TSHZ3: variants seen among roughly 807,000 people sequenced by gnomAD.
TSHZ3 encodes the protein teashirt zinc finger homeobox 3.
In TSHZ3, 10 loss-of-function variants were observed where a neutral mutation model predicts 64.5. The observed-to-expected ratio is 0.16, with a 90% CI of 0.10 to 0.26. TSHZ3 has a LOEUF of 0.26. TSHZ3 is among the 10% of genes least tolerant of loss of function. The pLI is 1.00. For synonymous variants in TSHZ3, 608 were observed against 593.1 expected, an observed-to-expected ratio of 1.03 and a Z score of -0.36; for missense variants, 1,242 against 1,421.7, an observed-to-expected ratio of 0.87 and a Z score of 2.03.
chr19:31,332,412 G>A (rs1023729802), intron 1 of TSHZ3, among the ~76,000 whole-genome samples: 2 of 152,162 alleles, frequency 1.3e-5, no homozygotes, highest in African/African-American at 4.8e-5. Flanking sequence ...AAAGCTCAAG[G>A]CCATTTTCAC....
chr19:31,343,361 A>AC (rs1201413408), intron 1 of TSHZ3, among the ~76,000 whole-genome samples: 3 of 151,238 alleles, frequency 2.0e-5, no homozygotes, highest in Non-Finnish European at 4.4e-5. Context: ...ACTCGCCCCC[A>AC]CCCCCCGGAC....
chr19:31,226,045 G>A (rs1247097744), intron 4 of TSHZ3, among the ~76,000 whole-genome samples: 2 of 151,752 alleles, frequency 1.3e-5, no homozygotes, highest in African/African-American at 4.8e-5. Flanking sequence ...GAGAATCACT[G>A]GAATCGGGAG....
chr19:31,270,895 T>C (rs1412411157), downstream of TSHZ3, among the ~76,000 whole-genome samples: 1 of 152,202 alleles, frequency 6.6e-6, no homozygotes, highest in Non-Finnish European at 1.5e-5. Context: ...TTATTAAGAA[T>C]ATATCAGTAC....
intron 1 of TSHZ3, among the ~76,000 whole-genome samples, chr19:31,245,089 ATTG>A (rs776634029): frequency 2.6e-5 from 4 of 152,284 alleles, no homozygotes; most frequent in East Asian, 1.9e-4. Flanking sequence ...GATAGTGTTG[ATTG>A]TTGGTGATTT....
chr19:31,196,610 T>G (rs553758694), intron 5 of TSHZ3, among the ~76,000 whole-genome samples: 1 of 152,014 alleles, frequency 6.6e-6, no homozygotes, highest in East Asian at 1.9e-4. Context: ...ACATCTAGAT[T>G]AAAAGTAAAT....
chr19:31,279,810 G>T lies in TSHZ3; in HGVS notation c.41-58C>A. 7.2e-7 allele frequency: 1 copy of T among 1,391,368 alleles called. No homozygotes were observed. Among genetic ancestry groups the T allele is most frequent in the Non-Finnish European group, 9.5e-7 (1 of 1,053,626 alleles). 86.2% of individuals were successfully genotyped at this position (1,391,368 alleles called of 1,614,324 possible). The stretch of plus-strand genomic sequence containing the variant: ...GTAGGATGGAATGAAGAGAGACAGG[G>T]AGAAGGAGAGAAAGAAAAAAAAAAG... On this transcript the variant is annotated intron_variant, in intron 1 of 1. Coordinates refer to ENST00000240587, the MANE Select transcript of TSHZ3 (RefSeq NM_020856.4). This position sits in a 1 kb window ranked among gnomAD's most constrained non-coding sequence, Gnocchi z 6.4.
Position 31,277,302 on chromosome 19 carries a change from C to T in TSHZ3, c.2491G>A (p.Val831Ile), listed in dbSNP as rs201694059. 2.1e-5 allele frequency: 34 copies of T among 1,613,362 alleles called. No homozygotes were observed. The highest frequency in any genetic ancestry group is 1.0e-4 in the Admixed American group (6 of 60,004). ...AGCGGCGAGTTTGACATGAATGATA[C>T]GACGGCAGATGTCTTTGCCGTTGTC... Reference protein sequence around the residue: ...TVTTAKTSAVVSFMSNSPLRE... With the variant: ...TVTTAKTSAVISFMSNSPLRE... Residue 831 changes from valine (V) to isoleucine (I), a missense_variant, in exon 2 of 2, where the codon GTA becomes ATA. Transcript: ENST00000240587. This position sits in a 1 kb window ranked among gnomAD's most constrained non-coding sequence, Gnocchi z 4.5.
At position 31,183,011 on chromosome 19, in the gene TSHZ3, C is replaced by A. The variant is rs139001114; in HGVS notation, n.809+21945G>T. Among the ~76,000 whole-genome samples, 694 of 152,140 alleles carry A rather than the reference C, an allele frequency of 4.6e-3. 3 individuals carry two copies. The highest frequency in any genetic ancestry group is 0.016 in the African/African-American group (672 of 41,494). ...GGGCCTCATCTAATCAGTTGAAGGC[C>A]TTAAGAAAAAGAGAGATTTTGCCCA... On this transcript the variant is annotated intron_variant and non_coding_transcript_variant, in intron 5 of 6. Coordinates refer to the TSHZ3 transcript ENST00000651361.
chr19:31,324,178 C>T (rs758597020), intron 1 of TSHZ3, among the ~76,000 whole-genome samples: 15 of 152,192 alleles, frequency 9.9e-5, no homozygotes, highest in Non-Finnish European at 1.6e-4. Context: ...ACTAGAGAGG[C>T]AACCAAGGTT....
chr19:31,332,100 C>A (rs997854135), intron 1 of TSHZ3, among the ~76,000 whole-genome samples: 5 of 152,192 alleles, frequency 3.3e-5, no homozygotes, highest in Non-Finnish European at 5.9e-5. Flanking sequence ...AAAAGAAGAC[C>A]CTTTTTCCTA....
chr19:31,343,467 C>G (rs1254130157), intron 1 of TSHZ3, among the ~76,000 whole-genome samples: 1 of 152,086 alleles, frequency 6.6e-6, no homozygotes, highest in Non-Finnish European at 1.5e-5. Flanking sequence ...AAACTAAGTG[C>G]ATGTGCTAGA....
chr19:31,288,499 A>G (rs1430104798), intron 1 of TSHZ3, among the ~76,000 whole-genome samples: 1 of 152,100 alleles, frequency 6.6e-6, no homozygotes, highest in Non-Finnish European at 1.5e-5. Context: ...ACAGTTCAAA[A>G]GCCATAGCAA....
chr19:31,264,619 T>C (rs543563741), intron 1 of TSHZ3, among the ~76,000 whole-genome samples: 1 of 152,268 alleles, frequency 6.6e-6, no homozygotes, highest in East Asian at 1.9e-4. Context: ...CATGCAGGAA[T>C]GTGGCATCCG....
At chr19:31,236,362 G>A (rs979004299) in intron 3 of TSHZ3, among the ~76,000 whole-genome samples, 1 of 152,074 alleles carries the variant, frequency 6.6e-6, no homozygotes, top group Non-Finnish European at 1.5e-5. Context: ...TCTCATTGTG[G>A]TTTTAGTTTG....
chr19:31,162,881 T>A (rs1974388908), intron 5 of TSHZ3, among the ~76,000 whole-genome samples: 1 of 152,030 alleles, frequency 6.6e-6, no homozygotes, highest in African/African-American at 2.4e-5. Flanking sequence ...TGGGAAGTAA[T>A]GGAATAATTC....
intron 5 of TSHZ3, chr19:31,167,472 C>T (rs1183661485): frequency 6.6e-6 from 1 of 152,136 alleles, no homozygotes; most frequent in African/African-American, 2.4e-5. Flanking sequence ...GCAAGTCCAG[C>T]AAGAGTTGAA....
chr19:31,207,643 A>C (rs1975201374), intron 4 of TSHZ3: 1 of 152,210 alleles, frequency 6.6e-6, no homozygotes, highest in African/African-American at 2.4e-5. Context: ...ATAAAACCAC[A>C]AATTGAGTCA....
At chr19:31,200,978 G>A (rs139287288) in intron 5 of TSHZ3, among the ~76,000 whole-genome samples, 1 of 149,466 alleles carries the variant, frequency 6.7e-6, no homozygotes, top group African/African-American at 2.4e-5. Flanking sequence ...TTTAAAGCAA[G>A]TATAATTAAA....
intron 1 of TSHZ3, among the ~76,000 whole-genome samples, chr19:31,325,097 T>C (rs1599649436): frequency 1.3e-5 from 2 of 152,356 alleles, no homozygotes; most frequent in East Asian, 3.9e-4. Flanking sequence ...CTGTGCTCCG[T>C]AGGAACTAAA....
Sources: gnomAD v4.1 joint callset for allele counts (sites outside exome capture counted in the v4.1 genomes callset) on GRCh38, gnomAD v4.1.1 for gene constraint, Gnocchi (gnomAD v3.1) non-coding constraint, MANE v1.5 for transcripts, NCBI Gene and HGNC (gene_info 2026-07-23, HGNC 2026-07-21) for gene names.